GAD2: variants seen among roughly 807,000 people sequenced by gnomAD.
GAD2 encodes the protein 65 kDa glutamic acid decarboxylase.
GAD2 carries 22 observed loss-of-function variants against 80.1 expected under a neutral mutation model. That is an observed-to-expected ratio of 0.27 (90% CI 0.20 to 0.39). The LOEUF (loss-of-function observed/expected upper bound fraction) is 0.39. GAD2 is among the 10% of genes least tolerant of loss of function. The probability of loss-of-function intolerance (pLI) is 1.00; values close to 1 mark genes in which losing one functional copy is unlikely to be tolerated. For synonymous variants in GAD2, 274 were observed against 256.9 expected, an observed-to-expected ratio of 1.07 and a Z score of -0.64; for missense variants, 624 against 738.4, an observed-to-expected ratio of 0.85 and a Z score of 1.80.
intron 6 of GAD2, 116 bp from the exon 7 acceptor site, chr10:26,229,546 T>C (rs1291970948): frequency 1.5e-6 from 1 of 684,216 alleles, no homozygotes; most frequent in Non-Finnish European, 2.5e-6. Flanking sequence ...AGATAGTCAA[T>C]AGGTTTTTCT....
rs1264631409 is a variant in GAD2, at chr10:26,217,132, A to T, written c.76+247A>T. ...AGAAGGTTGGAAGAGCCCCCCAAAG[A>T]CCGCGGTGTCTCGGGGACATGGAAT... On this transcript the variant is annotated intron_variant, in intron 1 of 15. Transcript: ENST00000376261. The surrounding 1 kb of genome is among the most constrained non-coding windows in gnomAD (Gnocchi z 4.9). Among the ~76,000 whole-genome samples, 2 of 150,238 alleles carry T rather than the reference A, an allele frequency of 1.3e-5. No homozygotes were observed. Among genetic ancestry groups the T allele is most frequent in the East Asian group, 3.9e-4 (2 of 5,112 alleles).
chr10:26,217,686 C>A lies in GAD2; in HGVS notation c.136+17C>A, dbSNP rs770903379. On this transcript the variant is annotated intron_variant, in intron 2 of 15. Transcript: ENST00000376261. The surrounding 1 kb of genome is among the most constrained non-coding windows in gnomAD (Gnocchi z 4.9). The stretch of plus-strand genomic sequence containing the variant: ...AACTGTGCGGTGAGTGCCCAGGGAC[C>A]GGGGCGGCCAAGGTCGGCCCGCGGG... The A allele has an allele frequency of 7.4e-6, 12 of 1,612,462 alleles. No homozygotes were observed. The highest frequency in any genetic ancestry group is 1.0e-5 in the Non-Finnish European group (12 of 1,179,350).
chr10:26,224,171 CA>C (rs779645850), intron 5 of GAD2, among the ~76,000 whole-genome samples, 194 bp downstream of exon 5: 2 of 151,446 alleles, frequency 1.3e-5, no homozygotes, highest in African/African-American at 2.4e-5. Context: ...TCAAACTCTA[CA>C]AAATTTTTAA....
At position 26,303,909 on chromosome 10, in the gene GAD2, A is replaced by G. The variant is rs192656310; in HGVS notation, c.*2948A>G. On this transcript the variant is annotated 3_prime_UTR_variant, in exon 16 of 16. Coordinates refer to ENST00000376261, the MANE Select transcript of GAD2 (RefSeq NM_001134366.2). Reference sequence around the variant, plus strand: ...TAAAAGCTTGTACAATATATTATTGATATGTCTTTTTCTGTGTGGTAGCTG... The same window carrying G: ...TAAAAGCTTGTACAATATATTATTGGTATGTCTTTTTCTGTGTGGTAGCTG... The G allele has an allele frequency of 1.3e-5, 2 of 152,296 alleles. No homozygotes were observed. Among genetic ancestry groups the G allele is most frequent in the East Asian group, 1.9e-4 (1 of 5,192 alleles). The allele number at this position is 152,296 out of a possible 1,614,324, so 9.4% of individuals were successfully genotyped here. A position where few individuals can be genotyped will look rare whatever the true frequency, so the allele number is the denominator to read the frequency against.
intron 15 of GAD2, among the ~76,000 whole-genome samples, chr10:26,295,797 C>G (rs1027361351): frequency 2.6e-5 from 4 of 152,114 alleles, no homozygotes; most frequent in African/African-American, 7.2e-5. Flanking sequence ...CCGATATAGA[C>G]TCAAAATTTG....
At position 26,281,208 on chromosome 10, in the gene GAD2, C is replaced by T. The variant is rs1589151891; in HGVS notation, c.1236+121C>T. ...TTCTCTATGGTCCTACTCACATTCC[C>T]CAGAGAGCCCTTTCTAGATTCCTGT... On this transcript the variant is annotated intron_variant, in intron 12 of 15. Coordinates refer to ENST00000376261, the MANE Select transcript of GAD2 (RefSeq NM_001134366.2). The T allele has an allele frequency of 3.0e-5, 19 of 628,904 alleles. No individual in the cohort carries two copies. In the East Asian group the frequency reaches 5.3e-4, roughly 18 times the overall value. The allele number at this position is 628,904 out of a possible 1,614,324, so 39.0% of individuals were successfully genotyped here. A position where few individuals can be genotyped will look rare whatever the true frequency, so the allele number is the denominator to read the frequency against.
rs777641828 is a variant in GAD2 at position 26,224,626 on chromosome 10, C to G, written c.699C>G (p.Gly233=). The G allele has an allele frequency of 1.9e-6, 3 of 1,612,978 alleles. No homozygotes were observed. Among genetic ancestry groups the G allele is most frequent in the South Asian group, 2.2e-5 (2 of 91,032 alleles). The part of the protein sequence containing the change: ...KMREIIGWPG[G]SGDGIFSPGG... ...GAGAAATCATTGGCTGGCCAGGGGG[C>G]TCTGGCGATGGGATATTTTCTCCCG... is the stretch of plus-strand genomic sequence containing the variant. The change falls in exon 6 of 16, where the codon GGC becomes GGG. Residue 233 remains glycine (G), a synonymous_variant. Transcript: ENST00000376261.
intron 4 of GAD2, among the ~76,000 whole-genome samples, chr10:26,223,566 G>A (rs1199980713): frequency 6.6e-6 from 1 of 152,106 alleles, no homozygotes; most frequent in Non-Finnish European, 1.5e-5. Context: ...AGAGACTCAT[G>A]CAGATTGCAA....
At position 26,302,536 on chromosome 10, in the gene GAD2, T is replaced by C. The variant is rs1416486191; in HGVS notation, c.*1575T>C. On this transcript the variant is annotated 3_prime_UTR_variant, in exon 16 of 16. Coordinates refer to ENST00000376261, the MANE Select transcript of GAD2 (RefSeq NM_001134366.2). Reference sequence around the variant, plus strand: ...GAGAACAATAGATTGATATGCAGACTGCAAATGCAAATTTAGGAACATTCT... The same window carrying C: ...GAGAACAATAGATTGATATGCAGACCGCAAATGCAAATTTAGGAACATTCT... The C allele has an allele frequency of 1.3e-5, 2 of 152,198 alleles. No individual in the cohort carries two copies. The highest frequency in any genetic ancestry group is 1.5e-5 in the Non-Finnish European group (1 of 68,046). 9.4% of individuals were successfully genotyped at this position (152,198 alleles called of 1,614,324 possible).
rs1283088498 is a variant in GAD2, at chr10:26,250,867, GT to G, written c.920+4875del. Among the ~76,000 whole-genome samples, 12 of 142,244 alleles carry G rather than the reference GT, an allele frequency of 8.4e-5. 1 individual carries two copies. The East Asian group carries it at 1.8e-3, about 22-fold the overall frequency. The allele number at this position is 142,244 out of a possible 152,430, so 93.3% of individuals were successfully genotyped here. A position where few individuals can be genotyped will look rare whatever the true frequency, so the allele number is the denominator to read the frequency against. On this transcript the variant is annotated intron_variant, in intron 8 of 15. Coordinates refer to ENST00000376261, the MANE Select transcript of GAD2 (RefSeq NM_001134366.2). ...TTTTCTAAGCACAGAAATTTGTTGG[GT>G]TTTTTTTCCTTTTTTTTTTTTTTTT... is the stretch of plus-strand genomic sequence containing the variant.
intron 14 of GAD2, 54 bp from the exon 15 acceptor site, chr10:26,292,848 A>G: frequency 7.1e-7 from 1 of 1,415,554 alleles, no homozygotes; most frequent in South Asian, 1.2e-5. Flanking sequence ...TGTTCTTGGA[A>G]TTTTCAAAAT....
At chr10:26,234,650 A>G (rs779492244) in intron 7 of GAD2, among the ~76,000 whole-genome samples, 1 of 152,160 alleles carries the variant, frequency 6.6e-6, no homozygotes, top group African/African-American at 2.4e-5. Flanking sequence ...TAATCTCGCT[A>G]TGCCTCAGTT....
intron 4 of GAD2, among the ~76,000 whole-genome samples, chr10:26,221,526 C>A (rs769948340): frequency 7.2e-5 from 11 of 152,152 alleles, no homozygotes; most frequent in Non-Finnish European, 1.6e-4. Flanking sequence ...GGTCCTGAAT[C>A]TTTTACCAAA....
At position 26,237,478 on chromosome 10, in the gene GAD2, G is replaced by T. The variant is rs1844688982; in HGVS notation, c.840+7701G>T. ...GGTAGTGCACTGCGCATGGCTCTCGGTGAGCCCCTCACAGATGACACTGTC... is the reference window on the plus strand; with the variant it reads ...GGTAGTGCACTGCGCATGGCTCTCGTTGAGCCCCTCACAGATGACACTGTC... On this transcript the variant is annotated intron_variant, in intron 7 of 15. Coordinates refer to ENST00000376261, the MANE Select transcript of GAD2 (RefSeq NM_001134366.2). Among the ~76,000 whole-genome samples the T allele has an allele frequency of 1.3e-5, 2 of 151,966 alleles. 1 individual carries two copies. Among genetic ancestry groups the T allele is most frequent in the Non-Finnish European group, 2.9e-5 (2 of 67,994 alleles).
At chr10:26,250,438 A>G (rs1405233218) in intron 8 of GAD2, among the ~76,000 whole-genome samples, 1 of 152,220 alleles carries the variant, frequency 6.6e-6, no homozygotes, top group Non-Finnish European at 1.5e-5. Context: ...ACAGAGGGAA[A>G]TGGGCCACTG....
intron 15 of GAD2, among the ~76,000 whole-genome samples, 181 bp downstream of exon 15, chr10:26,293,172 C>CTTTTTTTTTTT (rs987030977): frequency 5.2e-5 from 5 of 96,452 alleles, no homozygotes; most frequent in Non-Finnish European, 1.0e-4. Context: ...CATTTTTCTT[C>CTTTTTTTTTTT]TTTTTTTTTT....
chr10:26,300,765 T>G (rs1834320511), intron 15 of GAD2, 23 bp from the exon 16 acceptor site: 1 of 1,607,468 alleles, frequency 6.2e-7, no homozygotes, highest in African/African-American at 1.3e-5. Context: ...AAAGTCACCA[T>G]GCTGATATGG....
chr10:26,240,818 C>T (rs1270180017), intron 7 of GAD2, among the ~76,000 whole-genome samples: 2 of 151,672 alleles, frequency 1.3e-5, no homozygotes, highest in East Asian at 1.9e-4. Context: ...GGGCGGATCA[C>T]GAGGTCAGGA....
At chr10:26,260,874 A>G (rs901125531) in intron 8 of GAD2, among the ~76,000 whole-genome samples, 1 of 152,200 alleles carries the variant, frequency 6.6e-6, no homozygotes, top group African/African-American at 2.4e-5. Context: ...ACAGTTTGAT[A>G]ATTAGCAAAG....
Sources: gnomAD v4.1 joint callset for allele counts (sites outside exome capture counted in the v4.1 genomes callset) on GRCh38, gnomAD v4.1.1 for gene constraint, Gnocchi (gnomAD v3.1) non-coding constraint, MANE v1.5 for transcripts, NCBI Gene and HGNC (gene_info 2026-07-23, HGNC 2026-07-21) for gene names.